PDZRN3: variants seen among roughly 807,000 people sequenced by gnomAD.
PDZRN3 encodes the protein PDZ domain containing ring finger 3.
In PDZRN3, 38 loss-of-function variants were observed where a neutral mutation model predicts 85.7. The observed-to-expected ratio is 0.44, with a 90% CI of 0.34 to 0.58. The LOEUF (loss-of-function observed/expected upper bound fraction) is 0.58, where lower values mean the gene tolerates loss of function less well. Among genes scored for constraint, PDZRN3 ranks in the 20% least tolerant of loss-of-function variants. The pLI is 0.01. For missense variants in PDZRN3, 1,629 were observed against 1,506.4 expected, an observed-to-expected ratio of 1.08 and a Z score of -1.35; for synonymous variants, 759 against 638.0, an observed-to-expected ratio of 1.19 and a Z score of -2.86.
At chr3:73,444,562 T>A (rs1702712173) in intron 3 of PDZRN3, among the ~76,000 whole-genome samples, 1 of 152,206 alleles carries the variant, frequency 6.6e-6, no homozygotes, top group African/African-American at 2.4e-5. Context: ...GTGCTACACA[T>A]CGTCCCAGCT....
intron 3 of PDZRN3, among the ~76,000 whole-genome samples, chr3:73,429,643 CAG>C (rs1396569935): frequency 6.6e-6 from 1 of 152,180 alleles, no homozygotes; most frequent in African/African-American, 2.4e-5. Flanking sequence ...AAATCTGTAT[CAG>C]ATCTATAGTT....
At chr3:73,513,131 C>T (rs988180893) in intron 3 of PDZRN3, among the ~76,000 whole-genome samples, 2 of 152,120 alleles carry the variant, frequency 1.3e-5, no homozygotes, top group Admixed American at 6.5e-5. Context: ...ATCTAGCCCA[C>T]GGACCTCCAA....
intron 4 of PDZRN3, 148 bp from the exon 5 acceptor site, chr3:73,401,157 A>G: frequency 1.6e-6 from 1 of 634,806 alleles, no homozygotes; most frequent in Non-Finnish European, 2.9e-6. Flanking sequence ...GGCTCTCAGC[A>G]CGGTCAGGAC....
At chr3:73,526,369 C>CCCCATACCCATA (rs1410964008) in intron 3 of PDZRN3, among the ~76,000 whole-genome samples, 1 of 152,140 alleles carries the variant, frequency 6.6e-6, no homozygotes, top group Non-Finnish European at 1.5e-5. Flanking sequence ...CATCAAGTAT[C>CCCCATACCCATA]CCCATACCCA....
intron 3 of PDZRN3, among the ~76,000 whole-genome samples, chr3:73,490,926 C>T (rs909698661): frequency 2.6e-5 from 4 of 152,330 alleles, no homozygotes; most frequent in South Asian, 2.1e-4. Flanking sequence ...AGTCCTTCAA[C>T]GCACGGGGCT....
At chr3:73,580,852 C>T (rs1285794642) in intron 3 of PDZRN3, among the ~76,000 whole-genome samples, 2 of 152,212 alleles carry the variant, frequency 1.3e-5, no homozygotes, top group East Asian at 3.8e-4. Context: ...TTTTGTGTTA[C>T]TGCTATTTTC....
intron 3 of PDZRN3, among the ~76,000 whole-genome samples, chr3:73,484,485 T>C (rs1703627755): frequency 6.6e-6 from 1 of 152,092 alleles, no homozygotes; most frequent in Non-Finnish European, 1.5e-5. Context: ...GTGTTGGATG[T>C]GATGGCAGAA....
intron 3 of PDZRN3, among the ~76,000 whole-genome samples, chr3:73,568,390 T>C (rs9852947): frequency 0.081 from 12,286 of 152,234 alleles, 1,643 homozygotes; most frequent in African/African-American, 0.28. Context: ...ATTGCTGTCA[T>C]ATGTTTCATA....
chr3:73,564,975 A>G (rs1442990290), intron 3 of PDZRN3, among the ~76,000 whole-genome samples: 1 of 152,146 alleles, frequency 6.6e-6, no homozygotes, highest in Non-Finnish European at 1.5e-5. Context: ...CACCACTGCC[A>G]ATTTCTACAT....
intron 3 of PDZRN3, among the ~76,000 whole-genome samples, chr3:73,540,109 A>AC (rs1704882149): frequency 6.7e-6 from 1 of 149,980 alleles, no homozygotes; most frequent in South Asian, 2.1e-4. Context: ...AAAAAAAAAA[A>AC]AACAGTTCTC....
At chr3:73,468,503 T>C (rs1270286273) in intron 3 of PDZRN3, among the ~76,000 whole-genome samples, 2 of 151,840 alleles carry the variant, frequency 1.3e-5, no homozygotes, top group African/African-American at 2.4e-5. Flanking sequence ...ACGAGGTACA[T>C]GTCTATGGAA....
intron 3 of PDZRN3, among the ~76,000 whole-genome samples, chr3:73,574,872 C>A (rs1444514020): frequency 6.6e-6 from 1 of 152,196 alleles, no homozygotes; most frequent in Non-Finnish European, 1.5e-5. Flanking sequence ...CAGCCCTGTG[C>A]TAAACAATCC....
At chr3:73,496,884 C>T (rs541700800) in intron 3 of PDZRN3, among the ~76,000 whole-genome samples, 1 of 152,294 alleles carries the variant, frequency 6.6e-6, no homozygotes, top group South Asian at 2.1e-4. Flanking sequence ...TAACTGAGGA[C>T]ACAGTTTCTT....
At chr3:73,445,979 A>G (rs1354003305) in intron 3 of PDZRN3, among the ~76,000 whole-genome samples, 1 of 152,248 alleles carries the variant, frequency 6.6e-6, no homozygotes, top group Non-Finnish European at 1.5e-5. Flanking sequence ...TGTAAAACCC[A>G]TCAATGTGCG....
At chr3:73,592,241 A>G (rs2106881447) in intron 3 of PDZRN3, among the ~76,000 whole-genome samples, 1 of 152,350 alleles carries the variant, frequency 6.6e-6, no homozygotes, top group East Asian at 1.9e-4. Context: ...CTATGAAAAG[A>G]ACAAAAAAAA....
intron 3 of PDZRN3, among the ~76,000 whole-genome samples, chr3:73,522,668 T>C (rs532325745): frequency 6.6e-6 from 1 of 150,590 alleles, no homozygotes; most frequent in East Asian, 1.9e-4. Context: ...AATATTTCAC[T>C]TTACAGAAGA....
At chr3:73,438,192 C>T (rs1283964836) in intron 3 of PDZRN3, among the ~76,000 whole-genome samples, 1 of 152,138 alleles carries the variant, frequency 6.6e-6, no homozygotes, top group Non-Finnish European at 1.5e-5. Context: ...CCAAGGAACA[C>T]ACAATGAGAC....
intron 3 of PDZRN3, among the ~76,000 whole-genome samples, chr3:73,535,438 T>C (rs989859137): frequency 2.6e-5 from 4 of 152,210 alleles, no homozygotes. Flanking sequence ...GAGACTTAAC[T>C]GGAGCATCAG....
chr3:73,456,561 A>G (rs1365236407), intron 3 of PDZRN3, among the ~76,000 whole-genome samples: 1 of 152,224 alleles, frequency 6.6e-6, no homozygotes, highest in African/African-American at 2.4e-5. Flanking sequence ...ACCATTTCCA[A>G]ATTTGAAGCC....
Sources: gnomAD v4.1 joint callset for allele counts (sites outside exome capture counted in the v4.1 genomes callset) on GRCh38, gnomAD v4.1.1 for gene constraint, MANE v1.5 for transcripts, NCBI Gene and HGNC (gene_info 2026-07-23, HGNC 2026-07-21) for gene names.